Variants in PPM1M observed in about 807,000 individuals in gnomAD.
PPM1M encodes protein phosphatase, Mg2+/Mn2+ dependent 1M.
In PPM1M, 44 loss-of-function variants were observed where a neutral mutation model predicts 50.8. That is an observed-to-expected ratio of 0.87 (90% CI 0.68 to 1.11). The LOEUF (loss-of-function observed/expected upper bound fraction) is 1.11, where lower values mean the gene tolerates loss of function less well. Ranked by LOEUF, PPM1M falls within the 50% of genes most tolerant of loss-of-function variation. The pLI is 0.00. For missense variants in PPM1M, 556 were observed against 593.4 expected, an observed-to-expected ratio of 0.94 and a Z score of 0.66; for synonymous variants, 224 against 242.9, an observed-to-expected ratio of 0.92 and a Z score of 0.72.
chr3:52,249,550 CCA>C (rs1445624936), intron 9 of PPM1M, 118 bp from the exon 10 acceptor site: 61 of 1,451,382 alleles, frequency 4.2e-5, no homozygotes, highest in Non-Finnish European at 5.3e-5. Context: ...CTTGCTTGGT[CCA>C]CAGTCGGACT....
chr3:52,247,872 G>A (rs368573955), intron 4 of PPM1M, 78 bp downstream of exon 4: 1 of 904,506 alleles, frequency 1.1e-6, no homozygotes, highest in Non-Finnish European at 1.8e-6. Context: ...AAAGGTGGCT[G>A]GAAGTGGAGG....
Position 52,249,858 on chromosome 3 carries a change from T to C in PPM1M, c.*44T>C. 1 of 1,572,668 alleles carries C rather than the reference T, an allele frequency of 6.4e-7. No individual in the cohort carries two copies. Among genetic ancestry groups the C allele is most frequent in the Non-Finnish European group, 8.7e-7 (1 of 1,153,028 alleles). ...CCAGAACTGCTCTAGTGCCCGGGTG[T>C]GGTCTGGGCATCCCTCCAGTGTGAC... On this transcript the variant is annotated 3_prime_UTR_variant, in exon 10 of 10. Coordinates refer to ENST00000323588, the MANE Select transcript of PPM1M (RefSeq NM_144641.4).
At chr3:52,246,429 G>A in intron 1 of PPM1M, 1 of 1,011,610 alleles carries the variant, frequency 9.9e-7, no homozygotes, top group Non-Finnish European at 1.3e-6. Flanking sequence ...CGACAGGACA[G>A]GGGCAGGAAT....
At chr3:52,248,779 C>G in intron 7 of PPM1M, 79 bp downstream of exon 7, 1 of 1,484,012 alleles carries the variant, frequency 6.7e-7, no homozygotes, top group Non-Finnish European at 9.4e-7. Flanking sequence ...TTGCCTCTTG[C>G]TGGTAGCTGT....
At position 52,245,801 on chromosome 3, in the gene PPM1M, CG is replaced by C. The variant is rs1473890568; in HGVS notation, c.-21del. ...CCCAGCCCTAGCGCCCCGCGCTCCG[CG>C]GGCAGCCCCCTGCCGCCGCGCCATG... On this transcript the variant is annotated 5_prime_UTR_variant, in exon 1 of 10. Transcript: ENST00000323588. The surrounding 1 kb of genome is among the most constrained non-coding windows in gnomAD (Gnocchi z 4.8). 7.0e-6 allele frequency: 7 copies of C among 994,414 alleles called. No homozygotes were observed. The highest frequency in any genetic ancestry group is 8.4e-6 in the Non-Finnish European group (7 of 837,240). 61.6% of individuals were successfully genotyped at this position (994,414 alleles called of 1,614,324 possible). A position where few individuals can be genotyped will look rare whatever the true frequency, so the allele number is the denominator to read the frequency against.
Position 52,245,771 on chromosome 3 carries a change from G to A in PPM1M, c.-54G>A. 6.7e-6 allele frequency: 6 copies of A among 892,092 alleles called. No homozygotes were observed. The highest frequency in any genetic ancestry group is 5.1e-5 in the South Asian group (1 of 19,548). The allele number at this position is 892,092 out of a possible 1,614,324, so 55.3% of individuals were successfully genotyped here. A position where few individuals can be genotyped will look rare whatever the true frequency, so the allele number is the denominator to read the frequency against. ...CCGCGGCCCGCTTCTTCCTCCCGCGGGCGGCCCAGCCCTAGCGCCCCGCGC... is the reference window on the plus strand; with the variant it reads ...CCGCGGCCCGCTTCTTCCTCCCGCGAGCGGCCCAGCCCTAGCGCCCCGCGC... On this transcript the variant is annotated 5_prime_UTR_variant, in exon 1 of 10. Transcript: ENST00000323588. This position sits in a 1 kb window ranked among gnomAD's most constrained non-coding sequence, Gnocchi z 4.8.
Position 52,248,328 on chromosome 3 carries a change from A to G in PPM1M, c.796-7A>G. ...AGTATGACCTGAGCGCAGCCTCCCCACCCCAGGCCTTTGTCTATCCTGAGC... is the reference window on the plus strand; with the variant it reads ...AGTATGACCTGAGCGCAGCCTCCCCGCCCCAGGCCTTTGTCTATCCTGAGC... On this transcript the variant is annotated splice_polypyrimidine_tract_variant and splice_region_variant and intron_variant, in intron 5 of 9. Transcript: ENST00000323588. The G allele has an allele frequency of 3.7e-6, 6 of 1,609,706 alleles. No homozygotes were observed. The highest frequency in any genetic ancestry group is 5.1e-6 in the Non-Finnish European group (6 of 1,177,876).
Position 52,249,155 on chromosome 3 carries a change from C to T in PPM1M, c.1087-19C>T. On this transcript the variant is annotated intron_variant, in intron 8 of 9. Coordinates refer to ENST00000323588, the MANE Select transcript of PPM1M (RefSeq NM_144641.4). ...GAGTCGGGAAGGGAGTGTGCAGGAT[C>T]CTCAGGCTTAATTTGTAGGTGACTG... is the stretch of plus-strand genomic sequence containing the variant. The T allele has an allele frequency of 6.2e-7, 1 of 1,613,544 alleles. No homozygotes were observed. Among genetic ancestry groups the T allele is most frequent in the East Asian group, 2.2e-5 (1 of 44,858 alleles).
rs1175202050 is a variant in PPM1M at position 52,246,814 on chromosome 3, T to C, written c.342+2T>C. ...TGGCTGACCCTGTGCCCAGAGGAGG[T>C]GAGTGCAGTCTGAGTTCTTGGCTGG... On this transcript the variant is annotated splice_donor_variant, in intron 2 of 9. Coordinates refer to ENST00000323588, the MANE Select transcript of PPM1M (RefSeq NM_144641.4). LOFTEE classifies it high-confidence loss of function. The C allele has an allele frequency of 1.2e-5, 17 of 1,421,412 alleles. No individual in the cohort carries two copies. The highest frequency in any genetic ancestry group is 1.9e-4 in the Middle Eastern group (1 of 5,172). 88.0% of individuals were successfully genotyped at this position (1,421,412 alleles called of 1,614,324 possible). A position where few individuals can be genotyped will look rare whatever the true frequency, so the allele number is the denominator to read the frequency against.
chr3:52,247,094 T>C lies in PPM1M; in HGVS notation c.463T>C (p.Leu155=), dbSNP rs762865060. 24 of 1,593,298 alleles carry C rather than the reference T, an allele frequency of 1.5e-5. No homozygotes were observed. The highest frequency in any genetic ancestry group is 1.9e-5 in the Non-Finnish European group (22 of 1,170,172). ...GCAGCTGGAGGCCGTGGTGGAAGGC[T>C]TGGTGGCCACTCAGCCCCCCATGCA... ...RRQLEAVVEG[L]VATQPPMHLN... The change falls in exon 3 of 10, where the codon TTG becomes CTG. Residue 155 remains leucine (L), a synonymous_variant. Transcript: ENST00000323588.
In PPM1M at chr3:52,248,249, T is replaced by C; in HGVS notation, c.795+12T>C. On this transcript the variant is annotated intron_variant, in intron 5 of 9. Transcript: ENST00000323588. ...GGATCCAGCAGCTGGTAGGTGCCCT[T>C]GGCAGCATGGAGGCTGTGAAGCTCC... 1.9e-6 allele frequency: 3 copies of C among 1,612,058 alleles called. No individual in the cohort carries two copies. The highest frequency in any genetic ancestry group is 2.5e-6 in the Non-Finnish European group (3 of 1,179,006).
At position 52,245,906 on chromosome 3, in the gene PPM1M, C is replaced by A; in HGVS notation, c.82C>A (p.Pro28Thr). ...APRPPGPHASPVPYRRPRFLR... is the reference protein window; with the variant it reads ...APRPPGPHASTVPYRRPRFLR... Reference sequence around the variant, plus strand: ...GCGGCCGCCTGGGCCGCATGCCAGCCCCGTGCCCTACCGACGGCCCCGCTT... The same window carrying A: ...GCGGCCGCCTGGGCCGCATGCCAGCACCGTGCCCTACCGACGGCCCCGCTT... The change falls in exon 1 of 10, where the codon CCC becomes ACC. Residue 28 changes from proline to threonine, a missense_variant. Physicochemically the swap from Pro to Thr is conservative, Grantham distance 38. Transcript: ENST00000323588. This position sits in a 1 kb window ranked among gnomAD's most constrained non-coding sequence, Gnocchi z 4.8. 1 of 1,227,060 alleles carries A rather than the reference C, an allele frequency of 8.1e-7. No homozygotes were observed. Among genetic ancestry groups the A allele is most frequent in the African/African-American group, 1.6e-5 (1 of 61,040 alleles). The allele number at this position is 1,227,060 out of a possible 1,614,324, so 76.0% of individuals were successfully genotyped here.
chr3:52,246,653 A>G, intron 1 of PPM1M, 42 bp from the exon 2 acceptor site: 2 of 1,235,794 alleles, frequency 1.6e-6, no homozygotes, highest in Non-Finnish European at 2.2e-6. Flanking sequence ...ATGGGGACAT[A>G]GGTGTGTCCC....
In PPM1M at chr3:52,248,366, A is replaced by G; in HGVS notation, c.827A>G (p.Glu276Gly). Reference protein sequence around the residue: ...AFVYPELLAGEFTRLEFPRRL... With the variant: ...AFVYPELLAGGFTRLEFPRRL... ...GTCTATCCTGAGCTTCTGGCTGGTGAGTTCACCCGACTGGAGTTCCCTCGG... is the reference window on the plus strand; with the variant it reads ...GTCTATCCTGAGCTTCTGGCTGGTGGGTTCACCCGACTGGAGTTCCCTCGG... The change falls in exon 6 of 10, where the codon GAG becomes GGG. Residue 276 changes from glutamate (E) to glycine (G), a missense_variant. Transcript: ENST00000323588. The G allele has an allele frequency of 6.2e-7, 1 of 1,613,376 alleles. No homozygotes were observed. The highest frequency in any genetic ancestry group is 8.5e-7 in the Non-Finnish European group (1 of 1,179,648).
intron 7 of PPM1M, 77 bp from the exon 8 acceptor site, chr3:52,248,879 C>G (rs1699911331): frequency 7.8e-7 from 1 of 1,274,910 alleles, no homozygotes; most frequent in African/African-American, 1.5e-5. Context: ...TCCCTGTGTG[C>G]TCTGCAGTGC....
chr3:52,246,027 C>G lies in PPM1M; in HGVS notation c.203C>G (p.Pro68Arg). 1 of 1,219,962 alleles carries G rather than the reference C, an allele frequency of 8.2e-7. No homozygotes were observed. Among genetic ancestry groups the G allele is most frequent in the Admixed American group, 3.1e-5 (1 of 32,370 alleles). The allele number at this position is 1,219,962 out of a possible 1,614,324, so 75.6% of individuals were successfully genotyped here. The change falls in exon 1 of 10, where the codon CCC (proline) becomes CGC (arginine). Residue 68 changes from proline to arginine, a missense_variant. By Grantham distance (103) the Pro-to-Arg change is moderately radical. Transcript: ENST00000323588. ...AGCCCCGCACGAGGACGCACGCTACCCTGGAATGCAGGCTACGCCGAGTGA... is the reference window on the plus strand; with the variant it reads ...AGCCCCGCACGAGGACGCACGCTACGCTGGAATGCAGGCTACGCCGAGTGA... ...VRSPARGRTL[P>R]WNAGYAEIIN...
rs751875456 is a variant in PPM1M at position 52,248,436 on chromosome 3, TCAC to T, written c.901_903del (p.His301del). ...TGGGACAGAAGGTTTTGTTCAGGGA[TCAC>T]CACATGAGTGGCTGGTGAGTGGGGA... On this transcript the variant is annotated inframe_deletion, in exon 6 of 10. Coordinates refer to ENST00000323588, the MANE Select transcript of PPM1M (RefSeq NM_144641.4). 117 of 1,613,502 alleles carry T rather than the reference TCAC, an allele frequency of 7.3e-5. No homozygotes were observed. The highest frequency in any genetic ancestry group is 4.3e-4 in the South Asian group (39 of 91,056).
In PPM1M at chr3:52,250,004, G is replaced by A. The variant is rs1299274898; in HGVS notation, c.*190G>A. ...AGGCAGTCAGAGCTGGAAGTGTATG[G>A]AGAGCCCAGCCCACCAGGTCCTGCC... is the stretch of plus-strand genomic sequence containing the variant. On this transcript the variant is annotated 3_prime_UTR_variant, in exon 10 of 10. Transcript: ENST00000323588. The A allele has an allele frequency of 3.4e-6, 2 of 582,830 alleles. No homozygotes were observed. The highest frequency in any genetic ancestry group is 6.1e-6 in the Non-Finnish European group (2 of 329,366). 36.1% of individuals were successfully genotyped at this position (582,830 alleles called of 1,614,324 possible). A position where few individuals can be genotyped will look rare whatever the true frequency, so the allele number is the denominator to read the frequency against.
Position 52,249,175 on chromosome 3 carries a change from T to A in PPM1M, c.1088T>A (p.Val363Glu). Residue 363 changes from valine to glutamate, a missense_variant and splice_region_variant, in exon 9 of 10, where the codon GTG becomes GAG. Physicochemically the swap from Val to Glu is moderately radical, Grantham distance 121. Transcript: ENST00000323588. The part of the protein sequence containing the change: ...LKPFLLSVPQ[V>E]TVLDVDQLEL... ...AGGATCCTCAGGCTTAATTTGTAGG[T>A]GACTGTGCTGGATGTGGACCAGCTG... 1 of 1,613,756 alleles carries A rather than the reference T, an allele frequency of 6.2e-7. No individual in the cohort carries two copies.
Sources: allele counts gnomAD v4.1 joint callset, GRCh38; gene constraint gnomAD v4.1.1; non-coding constraint Gnocchi (gnomAD v3.1); transcripts MANE v1.5; gene names NCBI Gene and HGNC (gene_info 2026-07-23, HGNC 2026-07-21).